Variants in OCA2 observed in about 807,000 individuals in gnomAD.
OCA2 encodes the protein P protein.
Under a neutral mutation model 100.2 loss-of-function variants are expected in OCA2, and 77 were observed. The observed-to-expected ratio is 0.77, with a 90% CI of 0.64 to 0.93. The LOEUF is 0.93. Ranked by LOEUF, OCA2 falls within the 40% of genes least tolerant of loss-of-function variation. The pLI, the probability that OCA2 is intolerant of heterozygous loss-of-function variation, is 0.00. For missense variants in OCA2, 1,062 were observed against 1,089.1 expected (o/e 0.98, Z 0.35); for synonymous variants, 432 against 439.2 (o/e 0.98, Z 0.21).
intron 18 of OCA2, among the ~76,000 whole-genome samples, chr15:27,947,593 G>A (rs533123210): frequency 8.7e-4 from 133 of 152,328 alleles, no homozygotes; most frequent in African/African-American, 2.6e-3. Context: ...TGCCTGGGCC[G>A]CCCTGCGGGT....
chr15:28,007,720 T>C (rs536379128), intron 9 of OCA2, among the ~76,000 whole-genome samples: 46 of 147,134 alleles, frequency 3.1e-4, no homozygotes, highest in African/African-American at 1.2e-3. Flanking sequence ...AGACTCCATC[T>C]CAAAAAAAAA....
intron 23 of OCA2, among the ~76,000 whole-genome samples, chr15:27,817,489 TCAG>T (rs763945127): frequency 7.2e-5 from 11 of 152,196 alleles, no homozygotes; most frequent in Non-Finnish European, 1.5e-4. Flanking sequence ...AACTACTGGC[TCAG>T]CTGGTCTGAA....
the OCA2 span, among the ~76,000 whole-genome samples, chr15:27,725,232 C>T: frequency 1.2e-4 from 19 of 152,346 alleles, no homozygotes; most frequent in East Asian, 1.7e-3. Flanking sequence ...CTGGACCACA[C>T]GCCAACATGG....
At chr15:27,753,318 G>T (rs535403020), downstream of OCA2, among the ~76,000 whole-genome samples, 74 of 151,780 alleles carry the variant, frequency 4.9e-4, no homozygotes, top group Admixed American at 1.2e-3. Flanking sequence ...ACACGGAGGG[G>T]AGTGGGAGAA....
At chr15:28,012,795 G>T (rs1444063871) in intron 9 of OCA2, among the ~76,000 whole-genome samples, 2 of 152,144 alleles carry the variant, frequency 1.3e-5, no homozygotes, top group Non-Finnish European at 2.9e-5. Context: ...AATTGGCATT[G>T]TATTGTATTT....
At chr15:27,911,454 T>G (rs924191673) in intron 19 of OCA2, among the ~76,000 whole-genome samples, 4 of 152,126 alleles carry the variant, frequency 2.6e-5, no homozygotes, top group Non-Finnish European at 5.9e-5. Context: ...AAGAGGTTTA[T>G]TTGGCTCACA....
chr15:28,005,428 G>A (rs768658917), intron 9 of OCA2, among the ~76,000 whole-genome samples: 1 of 152,158 alleles, frequency 6.6e-6, no homozygotes, highest in Admixed American at 6.5e-5. Context: ...CTCTGGTCCT[G>A]CAGGTAAGAC....
chr15:27,960,910 A>G (rs11074313), intron 15 of OCA2, among the ~76,000 whole-genome samples: 68,961 of 144,738 alleles, frequency 0.48, 19,694 homozygotes, highest in Non-Finnish European at 0.68. Flanking sequence ...CATCTCAAAA[A>G]AAAAAAAAAA....
At chr15:27,770,879 TTTGC>T (rs1432533021) in intron 23 of OCA2, among the ~76,000 whole-genome samples, 6 of 131,278 alleles carry the variant, frequency 4.6e-5, no homozygotes, top group Admixed American at 7.4e-5. Context: ...CCCTCCTTCC[TTTGC>T]TCCTTCCCAT....
intron 2 of OCA2, among the ~76,000 whole-genome samples, chr15:28,071,188 A>AAATG (rs35813688): frequency 0.42 from 62,710 of 148,912 alleles, 18,423 homozygotes; most frequent in East Asian, 0.89. Context: ...AAAAAAAAGA[A>AAATG]AAACACCTAG....
At chr15:27,890,572 A>G (rs866145520) in intron 19 of OCA2, among the ~76,000 whole-genome samples, 1 of 152,252 alleles carries the variant, frequency 6.6e-6, no homozygotes, top group Non-Finnish European at 1.5e-5. Flanking sequence ...CAAGTACTGA[A>G]GAAAAGCACT....
intron 23 of OCA2, among the ~76,000 whole-genome samples, chr15:27,834,325 A>C (rs1402053828): frequency 6.6e-6 from 1 of 152,180 alleles, no homozygotes; most frequent in African/African-American, 2.4e-5. Context: ...TCTGCACTCC[A>C]TGGGGACAGA....
chr15:27,946,569 T>C (rs901659650), intron 18 of OCA2, among the ~76,000 whole-genome samples: 2 of 152,254 alleles, frequency 1.3e-5, no homozygotes, highest in Non-Finnish European at 2.9e-5. Context: ...GAGGCACCCC[T>C]GGAGTCTCTG....
intron 14 of OCA2, among the ~76,000 whole-genome samples, chr15:27,970,351 C>A (rs2040731435): frequency 6.6e-6 from 1 of 151,948 alleles, no homozygotes; most frequent in East Asian, 1.9e-4. Flanking sequence ...GAGCAGGGCC[C>A]ACAAGAGAGA....
rs567084437 is a variant in OCA2 at position 27,805,465 on chromosome 15, G to A, written c.2432+39494C>T. Among the ~76,000 whole-genome samples, 5 of 152,334 alleles carry A rather than the reference G, an allele frequency of 3.3e-5. No homozygotes were observed. In the South Asian group the frequency reaches 1.0e-3, roughly 32 times the overall value. On this transcript the variant is annotated intron_variant, in intron 23 of 23. Coordinates refer to ENST00000354638, the MANE Select transcript of OCA2 (RefSeq NM_000275.3). ...ACACCGCGGGGACCCGGTGTAAAAC[G>A]GAAACCAACCCCGAATCTCCAGGCG...
chr15:28,011,598 T>C (rs1226097312), intron 9 of OCA2, among the ~76,000 whole-genome samples: 3 of 151,766 alleles, frequency 2.0e-5, no homozygotes, highest in Non-Finnish European at 2.9e-5. Context: ...TTCTCAGACT[T>C]GACACCCAAA....
rs529427761 is a variant in OCA2 at position 27,806,794 on chromosome 15, G to T, written c.2432+38165C>A. Among the ~76,000 whole-genome samples, 180 of 152,362 alleles carry T rather than the reference G, an allele frequency of 1.2e-3. 1 individual carries two copies. Among genetic ancestry groups the T allele is most frequent in the African/African-American group, 4.1e-3 (171 of 41,586 alleles). On this transcript the variant is annotated intron_variant, in intron 23 of 23. Transcript: ENST00000354638. Reference sequence around the variant, plus strand: ...CACTGATGGCCCAGACTGCGGAGAGGACCGTGGCCACCTTAATAACAGCTG... The same window carrying T: ...CACTGATGGCCCAGACTGCGGAGAGTACCGTGGCCACCTTAATAACAGCTG...
In OCA2 at chr15:27,946,965, G is replaced by A. The variant is rs191368965; in HGVS notation, c.1951+4819C>T. Reference sequence around the variant, plus strand: ...CCCACACTCAGAAGGAAGGAGTGCCGCTCAGAGAGGCCAGGAGGACCCTGG... The same window carrying A: ...CCCACACTCAGAAGGAAGGAGTGCCACTCAGAGAGGCCAGGAGGACCCTGG... On this transcript the variant is annotated intron_variant, in intron 18 of 23. Coordinates refer to ENST00000354638, the MANE Select transcript of OCA2 (RefSeq NM_000275.3). 4.3e-4 allele frequency among the ~76,000 whole-genome samples: 65 copies of A among 152,302 alleles called. 1 individual carries two copies. Among genetic ancestry groups the A allele is most frequent in the Admixed American group, 2.2e-3 (33 of 15,304 alleles).
At chr15:27,788,729 T>C (rs934308941) in intron 23 of OCA2, among the ~76,000 whole-genome samples, 4 of 152,128 alleles carry the variant, frequency 2.6e-5, no homozygotes, top group Non-Finnish European at 5.9e-5. Context: ...GTTTATGTGG[T>C]TGGATTTATA....
Sources: allele counts gnomAD v4.1 joint callset (sites outside exome capture counted in the v4.1 genomes callset), GRCh38; gene constraint gnomAD v4.1.1; transcripts MANE v1.5; gene names NCBI Gene and HGNC (gene_info 2026-07-23, HGNC 2026-07-21).